MAP4K4: variants seen among roughly 807,000 people sequenced by gnomAD.
The protein encoded by MAP4K4 is mitogen-activated protein kinase kinase kinase kinase 4, also known as HPK/GCK-like kinase HGK.
Under a neutral mutation model 189.6 loss-of-function variants are expected in MAP4K4, and 38 were observed. That is an observed-to-expected ratio of 0.20 (90% confidence interval 0.15 to 0.26). The LOEUF (loss-of-function observed/expected upper bound fraction) is 0.26. Among genes scored for constraint, MAP4K4 ranks in the 10% least tolerant of loss-of-function variants. The pLI, the probability that MAP4K4 is intolerant of heterozygous loss-of-function variation, is 1.00. For missense variants in MAP4K4, 1,054 were observed against 1,726.9 expected (o/e 0.61, Z 6.91); for synonymous variants, 610 against 624.3 (o/e 0.98, Z 0.34).
intron 2 of MAP4K4, among the ~76,000 whole-genome samples, chr2:101,741,164 A>ATTTT (rs11341237): frequency 9.0e-6 from 1 of 111,398 alleles, no homozygotes; most frequent in Non-Finnish European, 1.8e-5. Context: ...GGTAGTAGGT[A>ATTTT]TTTTTTTTTT....
chr2:101,878,477 A>G (rs748388109), intron 27 of MAP4K4, among the ~76,000 whole-genome samples: 14 of 152,314 alleles, frequency 9.2e-5, no homozygotes, highest in Non-Finnish European at 1.9e-4. Context: ...ACATCCTTCC[A>G]TGGCCTCCAT....
At chr2:101,749,278 A>AC (rs1300335739) in intron 2 of MAP4K4, among the ~76,000 whole-genome samples, 11 of 151,390 alleles carry the variant, frequency 7.3e-5, no homozygotes, top group East Asian at 3.9e-4. Context: ...GGCTACAGTA[A>AC]CCAAAACAGC....
At chr2:101,882,494 T>C in intron 27 of MAP4K4, 57 bp from the exon 28 acceptor site, 1 of 1,347,282 alleles carries the variant, frequency 7.4e-7, no homozygotes. Context: ...CTATTGTTAT[T>C]AATGATGAGA....
At chr2:101,768,784 A>G (rs746306467) in intron 2 of MAP4K4, among the ~76,000 whole-genome samples, 7 of 152,338 alleles carry the variant, frequency 4.6e-5, no homozygotes, top group Admixed American at 1.3e-4. Context: ...TGATTAAGTG[A>G]TAAGAAGATA....
At chr2:101,781,157 C>A (rs958232054) in intron 2 of MAP4K4, among the ~76,000 whole-genome samples, 1 of 151,982 alleles carries the variant, frequency 6.6e-6, no homozygotes, top group African/African-American at 2.4e-5. Flanking sequence ...TTTTTCGGAC[C>A]CTTTAGTTGA....
intron 3 of MAP4K4, among the ~76,000 whole-genome samples, chr2:101,794,155 G>C (rs1053825197): frequency 6.6e-6 from 1 of 152,168 alleles, no homozygotes; most frequent in Non-Finnish European, 1.5e-5. Context: ...AAAGTGGATG[G>C]TATTAGGATA....
intron 2 of MAP4K4, among the ~76,000 whole-genome samples, chr2:101,762,740 A>G (rs1330082436): frequency 6.6e-6 from 1 of 152,200 alleles, no homozygotes; most frequent in East Asian, 1.9e-4. Flanking sequence ...CACTGGGGCT[A>G]GCAGAGGGCT....
chr2:101,867,909 C>T, intron 20 of MAP4K4, 120 bp from the exon 21 acceptor site: 1 of 949,662 alleles, frequency 1.1e-6, no homozygotes, highest in Non-Finnish European at 1.7e-6. Flanking sequence ...GTTTTCATTT[C>T]CTGCTTGAAC....
At chr2:101,724,525 G>T (rs1413283113) in intron 2 of MAP4K4, among the ~76,000 whole-genome samples, 4 of 152,168 alleles carry the variant, frequency 2.6e-5, no homozygotes. Flanking sequence ...GGGATTTATT[G>T]GGCTCCTGGT....
chr2:101,706,066 T>G (rs1370842992), intron 2 of MAP4K4, among the ~76,000 whole-genome samples: 2 of 152,202 alleles, frequency 1.3e-5, no homozygotes, highest in African/African-American at 4.8e-5. Flanking sequence ...GGGCCTTAAC[T>G]TACCAGTTAT....
At chr2:101,705,134 G>T (rs545949658) in intron 2 of MAP4K4, among the ~76,000 whole-genome samples, 1 of 152,266 alleles carries the variant, frequency 6.6e-6, no homozygotes, top group Middle Eastern at 3.4e-3. Flanking sequence ...TACAAACTTT[G>T]TTATCTAGAT....
intron 2 of MAP4K4, among the ~76,000 whole-genome samples, chr2:101,777,574 T>C (rs1166597940): frequency 6.6e-6 from 1 of 152,180 alleles, no homozygotes; most frequent in Admixed American, 6.5e-5. Context: ...CAGAGAAACC[T>C]CCCTGACCAC....
chr2:101,731,661 G>C (rs2058557852), intron 2 of MAP4K4, among the ~76,000 whole-genome samples: 1 of 151,918 alleles, frequency 6.6e-6, no homozygotes, highest in Non-Finnish European at 1.5e-5. Context: ...TGAGGTGGGA[G>C]GATAGCTTGA....
intron 8 of MAP4K4, among the ~76,000 whole-genome samples, chr2:101,834,990 A>G (rs544211113): frequency 6.6e-6 from 1 of 152,332 alleles, no homozygotes; most frequent in Admixed American, 6.5e-5. Context: ...AGGAAAAAAA[A>G]CACTGCATTT....
intron 27 of MAP4K4, among the ~76,000 whole-genome samples, chr2:101,880,511 A>ATTTTTTTTTTTTTT (rs542768415): frequency 1.5e-5 from 2 of 137,380 alleles, no homozygotes; most frequent in Non-Finnish European, 3.2e-5. Context: ...GTATAGTTCT[A>ATTTTTTTTTTTTTT]TTTTTTTTTT....
Position 101,865,054 on chromosome 2 carries a change from A to G in MAP4K4, c.2204+18A>G, listed in dbSNP as rs1472125380. 4 of 1,478,244 alleles carry G rather than the reference A, an allele frequency of 2.7e-6. No individual in the cohort carries two copies. Among genetic ancestry groups the G allele is most frequent in the South Asian group, 2.4e-5 (2 of 82,294 alleles). 91.6% of individuals were successfully genotyped at this position (1,478,244 alleles called of 1,614,324 possible). On this transcript the variant is annotated intron_variant, in intron 18 of 32. Transcript: ENST00000324219. The stretch of plus-strand genomic sequence containing the variant: ...TCCACCAGGTAAAAGACAAGTGAGC[A>G]CTGAGAACAGGCCTTCTGTGCAGTC...
intron 2 of MAP4K4, among the ~76,000 whole-genome samples, chr2:101,755,115 G>T (rs2071613479): frequency 1.3e-5 from 2 of 151,768 alleles, no homozygotes; most frequent in South Asian, 4.2e-4. Context: ...AATCACTAAT[G>T]ACTGAGAATG....
chr2:101,775,113 A>G (rs3815487), intron 2 of MAP4K4, among the ~76,000 whole-genome samples: 36,072 of 148,808 alleles, frequency 0.24, 5,307 homozygotes, highest in Non-Finnish European at 0.31. Flanking sequence ...TTTCAGGACA[A>G]CCCCGGATCA....
intron 2 of MAP4K4, among the ~76,000 whole-genome samples, chr2:101,772,434 T>C (rs1185373957): frequency 1.3e-5 from 2 of 152,260 alleles, no homozygotes; most frequent in African/African-American, 4.8e-5. Flanking sequence ...ACCTGCTGAT[T>C]GAAAAGAGGC....
Sources: allele counts gnomAD v4.1 joint callset (sites outside exome capture counted in the v4.1 genomes callset), GRCh38; gene constraint gnomAD v4.1.1; transcripts MANE v1.5; gene names NCBI Gene and HGNC (gene_info 2026-07-23, HGNC 2026-07-21).